Variants in NBPF3 observed in about 807,000 individuals in gnomAD.
NBPF3 encodes the protein NBPF member 3.
In NBPF3, 57 loss-of-function variants were observed where a neutral mutation model predicts 78.1. The observed-to-expected ratio is 0.73, with a 90% CI of 0.59 to 0.91. The LOEUF (loss-of-function observed/expected upper bound fraction) is 0.91. NBPF3 is among the 40% of genes least tolerant of loss of function. NBPF3 has a pLI of 0.00. For missense variants in NBPF3, 510 were observed against 715.3 expected, an observed-to-expected ratio of 0.71 and a Z score of 3.27; for synonymous variants, 182 against 271.7, an observed-to-expected ratio of 0.67 and a Z score of 3.25.
At chr1:21,472,720 C>A in intron 5 of NBPF3, 123 bp from the exon 6 acceptor site, 1 of 782,660 alleles carries the variant, frequency 1.3e-6, no homozygotes, top group African/African-American at 1.7e-5. Context: ...AACGATAAAA[C>A]ATGAGAGCTT....
intron 3 of NBPF3, among the ~76,000 whole-genome samples, chr1:21,470,111 G>A (rs965672387): frequency 7.9e-5 from 12 of 152,104 alleles, no homozygotes; most frequent in Admixed American, 3.3e-4. Flanking sequence ...ATGGTCTTAC[G>A]TCTCATCCTT....
chr1:21,468,570 C>T (rs1642404498), intron 2 of NBPF3, 118 bp from the exon 3 acceptor site: 1 of 1,581,976 alleles, frequency 6.3e-7, no homozygotes, highest in Non-Finnish European at 8.6e-7. Context: ...GGGGACTGAT[C>T]ACATTTTTCT....
chr1:21,472,880 G>A lies in NBPF3; in HGVS notation c.699G>A (p.Glu233=). 6.2e-7 allele frequency: 1 copy of A among 1,613,032 alleles called. No individual in the cohort carries two copies. The highest frequency in any genetic ancestry group is 8.5e-7 in the Non-Finnish European group (1 of 1,179,038). ...ATGAGGATGAAGATGTTAAAGTTGA[G>A]GAGGCTGAGAAAGTACAGGAATTAT... ...DDDEDEDVKV[E]EAEKVQELYA... is the part of the protein sequence containing the mutation. Residue 233 remains glutamate (E), a synonymous_variant, in exon 6 of 15, where the codon GAG becomes GAA. Transcript: ENST00000318249.
At chr1:21,447,101 A>C (rs1038234951) in intron 2 of NBPF3, among the ~76,000 whole-genome samples, 2 of 152,194 alleles carry the variant, frequency 1.3e-5, no homozygotes, top group African/African-American at 4.8e-5. Flanking sequence ...AAAACAAATT[A>C]ATAGAATTTT....
intron 2 of NBPF3, among the ~76,000 whole-genome samples, chr1:21,450,874 A>C (rs1035734537): frequency 6.6e-6 from 1 of 152,248 alleles, no homozygotes; most frequent in East Asian, 1.9e-4. Context: ...CAGACATAGA[A>C]TAACAGCTAC....
chr1:21,465,520 C>T (rs1426182994), intron 2 of NBPF3, among the ~76,000 whole-genome samples: 1 of 152,218 alleles, frequency 6.6e-6, no homozygotes, highest in Non-Finnish European at 1.5e-5. Context: ...ATTTTCAATG[C>T]AGTCTCTGAA....
At chr1:21,439,465 G>C (rs1640506592), upstream of NBPF3, among the ~76,000 whole-genome samples, 1 of 150,660 alleles carries the variant, frequency 6.6e-6, no homozygotes, top group Non-Finnish European at 1.5e-5. Flanking sequence ...CTCCATCCTG[G>C]GCAACGAGAG....
intron 5 of NBPF3, 83 bp downstream of exon 5, chr1:21,471,866 G>C: frequency 6.4e-7 from 1 of 1,551,402 alleles, no homozygotes; most frequent in Non-Finnish European, 8.9e-7. Context: ...AATGACATTT[G>C]TATCGGTGGT....
At chr1:21,482,039 A>G (rs1187593300) in intron 13 of NBPF3, among the ~76,000 whole-genome samples, 1 of 148,056 alleles carries the variant, frequency 6.8e-6, no homozygotes, top group Non-Finnish European at 1.5e-5. Flanking sequence ...GATGGGACAA[A>G]TTCAGAGAAC....
At chr1:21,462,061 C>T (rs2147954030) in intron 2 of NBPF3, among the ~76,000 whole-genome samples, 1 of 152,116 alleles carries the variant, frequency 6.6e-6, no homozygotes, top group East Asian at 1.9e-4. Context: ...GCCATATGAT[C>T]TCTGCACACC....
intron 2 of NBPF3, among the ~76,000 whole-genome samples, chr1:21,454,641 T>C (rs1641497660): frequency 6.6e-6 from 1 of 152,182 alleles, no homozygotes; most frequent in Admixed American, 6.5e-5. Flanking sequence ...CTATGCACCT[T>C]AATAGACCAT....
At chr1:21,438,744 G>C (rs1220909417), upstream of NBPF3, among the ~76,000 whole-genome samples, 1 of 151,732 alleles carries the variant, frequency 6.6e-6, no homozygotes, top group Non-Finnish European at 1.5e-5. Flanking sequence ...GCACAGTCAC[G>C]TGGCTCGTCC....
In NBPF3 at chr1:21,468,769, A is replaced by G; in HGVS notation, c.215A>G (p.Asn72Ser). Residue 72 changes from asparagine (N) to serine (S), a missense_variant, in exon 3 of 15, where the codon AAC becomes AGC. Physicochemically the swap from Asn to Ser is conservative, Grantham distance 46. Around this residue, in one of 5 missense-constraint regions of NBPF3, gnomAD observed 440 missense variants for 478.2 expected, o/e 0.92. Transcript: ENST00000318249. ...GPWSGEKAEM[N>S]ILEINKKSRP... is the part of the protein sequence containing the mutation. ...TGGTCCGGTGAGAAGGCAGAGATGA[A>G]CATTCTAGAAATCAACAAGAAATCG... The G allele has an allele frequency of 6.2e-7, 1 of 1,613,926 alleles. No individual in the cohort carries two copies. Among genetic ancestry groups the G allele is most frequent in the Non-Finnish European group, 8.5e-7 (1 of 1,179,808 alleles).
In NBPF3 at chr1:21,445,078, A is replaced by G; in HGVS notation, c.-9A>G. The G allele has an allele frequency of 1.1e-5, 17 of 1,610,442 alleles. No individual in the cohort carries two copies. The highest frequency in any genetic ancestry group is 1.4e-5 in the Non-Finnish European group (17 of 1,178,924). ...TCAGTGCTGTGTGCTCTTGGCCTCC[A>G]CACTGGGGATGCCACTGACTCCCAC... On this transcript the variant is annotated 5_prime_UTR_variant, in exon 2 of 15. Coordinates refer to ENST00000318249, the MANE Select transcript of NBPF3 (RefSeq NM_032264.6).
intron 2 of NBPF3, chr1:21,466,900 G>A (rs6413868): frequency 6.1e-6 from 5 of 825,692 alleles, no homozygotes; most frequent in Admixed American, 1.2e-4. Context: ...GAATTGGTCA[G>A]TGAACAACTG....
rs1643054328 is a variant in NBPF3 at position 21,479,346 on chromosome 1, C to T, written c.1157-3C>T. On this transcript the variant is annotated splice_region_variant and splice_polypyrimidine_tract_variant and intron_variant, in intron 9 of 14. Coordinates refer to ENST00000318249, the MANE Select transcript of NBPF3 (RefSeq NM_032264.6). ...AAGAGGCCCTGTCTGAATTTATTTGCAGGACATTGGTGTGATCAAGTGAAA... is the reference window on the plus strand; with the variant it reads ...AAGAGGCCCTGTCTGAATTTATTTGTAGGACATTGGTGTGATCAAGTGAAA... The T allele has an allele frequency of 3.7e-6, 6 of 1,610,676 alleles. No individual in the cohort carries two copies. Among genetic ancestry groups the T allele is most frequent in the Non-Finnish European group, 4.2e-6 (5 of 1,177,974 alleles).
chr1:21,479,816 C>CTGTGTG (rs1476158141), intron 10 of NBPF3, among the ~76,000 whole-genome samples: 17 of 45,668 alleles, frequency 3.7e-4, no homozygotes, highest in African/African-American at 7.1e-4. Context: ...CTCTCTCTCT[C>CTGTGTG]TCTCTGTGTG....
At chr1:21,467,230 G>A in intron 2 of NBPF3, 1 of 985,424 alleles carries the variant, frequency 1.0e-6, no homozygotes, top group Non-Finnish European at 1.2e-6. Flanking sequence ...TTTGAAATGG[G>A]ATTGATCCAG....
At chr1:21,479,135 T>C (rs1643040868) in intron 9 of NBPF3, among the ~76,000 whole-genome samples, 1 of 152,232 alleles carries the variant, frequency 6.6e-6, no homozygotes, top group Non-Finnish European at 1.5e-5. Flanking sequence ...AAGATCACAT[T>C]CCAAAACAGG....
Sources: gnomAD v4.1 joint callset for allele counts (sites outside exome capture counted in the v4.1 genomes callset) on GRCh38, gnomAD v4.1.1 for gene constraint, gnomAD v4.1.1 regional missense constraint, MANE v1.5 for transcripts, NCBI Gene and HGNC (gene_info 2026-07-23, HGNC 2026-07-21) for gene names.